The following TMPRSS11E variants were observed in gnomAD, a reference collection of about 807,000 sequenced individuals.
TMPRSS11E encodes transmembrane serine protease 11E.
A neutral mutation model predicts 48.1 loss-of-function variants in TMPRSS11E; 38 were observed. The observed-to-expected ratio is 0.79, with a 90% confidence interval of 0.61 to 1.04. The LOEUF is 1.04. Among genes scored for constraint, TMPRSS11E ranks in the 50% least tolerant of loss-of-function variants. The pLI is 0.00. For missense variants in TMPRSS11E, 530 were observed against 510.8 expected (o/e 1.04, Z -0.36); for synonymous variants, 158 against 171.9 (o/e 0.92, Z 0.63).
At chr4:68,471,353 C>T (rs1474073061) in intron 4 of TMPRSS11E, 107 bp from the exon 5 acceptor site, 9 of 635,552 alleles carry the variant, frequency 1.4e-5, no homozygotes, top group African/African-American at 1.9e-5. Flanking sequence ...TTCTTTCCTC[C>T]CTCCCTCCTT....
intron 1 of TMPRSS11E, among the ~76,000 whole-genome samples, chr4:68,460,026 A>T (rs1728745218): frequency 6.6e-6 from 1 of 152,154 alleles, no homozygotes; most frequent in Non-Finnish European, 1.5e-5. Flanking sequence ...TTGGAATTCT[A>T]CTCAAGGGAA....
chr4:68,470,772 A>G (rs1228007264), intron 4 of TMPRSS11E, among the ~76,000 whole-genome samples: 1 of 151,912 alleles, frequency 6.6e-6, no homozygotes, highest in Non-Finnish European at 1.5e-5. Context: ...TAATTCATAC[A>G]AATAGTATTA....
At chr4:68,471,787 T>C (rs1729078668) in intron 5 of TMPRSS11E, among the ~76,000 whole-genome samples, 164 bp downstream of exon 5, 1 of 151,892 alleles carries the variant, frequency 6.6e-6, no homozygotes, top group South Asian at 2.1e-4. Flanking sequence ...ATTTTAATTT[T>C]TAAGACTACC....
rs753812169 is a variant in TMPRSS11E at position 68,468,950 on chromosome 4, T to C, written c.326+4T>C. On this transcript the variant is annotated splice_donor_region_variant and intron_variant, in intron 4 of 9. Transcript: ENST00000305363. ...AGTCTCAGGTTATCAAGTTCAGGTA[T>C]GTAAATCTGAATTGCTGACTTCTGA... The C allele has an allele frequency of 1.1e-5, 18 of 1,606,912 alleles. No individual in the cohort carries two copies. Among genetic ancestry groups the C allele is most frequent in the South Asian group, 2.2e-5 (2 of 90,658 alleles).
chr4:68,486,489 G>A (rs1729557805), intron 9 of TMPRSS11E, among the ~76,000 whole-genome samples: 1 of 152,150 alleles, frequency 6.6e-6, no homozygotes, highest in African/African-American at 2.4e-5. Flanking sequence ...TTATTGCACT[G>A]TGGTCTGAGA....
At position 68,496,632 on chromosome 4, in the gene TMPRSS11E, T is replaced by C. The variant is rs1729873699; in HGVS notation, c.1111-11T>C. 6.2e-7 allele frequency: 1 copy of C among 1,601,582 alleles called. No individual in the cohort carries two copies. The highest frequency in any genetic ancestry group is 8.5e-7 in the Non-Finnish European group (1 of 1,175,622). ...GAATTATGAATTACTAATTTCTGTCTTCTCCTTTAGGGTGACTCTGGAGGA... is the reference window on the plus strand; with the variant it reads ...GAATTATGAATTACTAATTTCTGTCCTCTCCTTTAGGGTGACTCTGGAGGA... On this transcript the variant is annotated splice_polypyrimidine_tract_variant and intron_variant, in intron 9 of 9. Coordinates refer to ENST00000305363, the MANE Select transcript of TMPRSS11E (RefSeq NM_014058.4).
intron 9 of TMPRSS11E, among the ~76,000 whole-genome samples, chr4:68,491,010 C>T (rs1408109128): frequency 6.6e-6 from 1 of 152,002 alleles, no homozygotes; most frequent in African/African-American, 2.4e-5. Context: ...CCACCTGCTT[C>T]AGCCTTCCAA....
intron 1 of TMPRSS11E, among the ~76,000 whole-genome samples, chr4:68,454,024 T>C (rs1022207892): frequency 2.6e-5 from 4 of 151,914 alleles, no homozygotes; most frequent in Admixed American, 6.6e-5. Context: ...CTGACTCTTA[T>C]GGACAAGGGG....
At chr4:68,467,237 T>C (rs1728952549) in intron 3 of TMPRSS11E, among the ~76,000 whole-genome samples, 1 of 152,080 alleles carries the variant, frequency 6.6e-6, no homozygotes, top group African/African-American at 2.4e-5. Context: ...CTCTACCCAG[T>C]TTTTAAAAAT....
intron 9 of TMPRSS11E, among the ~76,000 whole-genome samples, chr4:68,495,327 C>A (rs1729836387): frequency 6.6e-6 from 1 of 151,796 alleles, no homozygotes; most frequent in Non-Finnish European, 1.5e-5. Flanking sequence ...TCATTTATTC[C>A]TGTCTCTTAT....
rs760372688 is a variant in TMPRSS11E at position 68,461,878 on chromosome 4, C to G, written c.69C>G (p.Leu23=). The change falls in exon 2 of 10, where the codon CTC becomes CTG. Residue 23 remains leucine (L), a synonymous_variant. Transcript: ENST00000305363. ...GTTGGGAACCCTGGGTTATCGGCCT[C>G]GTCATCTTCATATCCCTGATTGTCC... The part of the protein sequence containing the change: ...RVCWEPWVIG[L]VIFISLIVLA... 3.1e-6 allele frequency: 5 copies of G among 1,614,164 alleles called. No individual in the cohort carries two copies. In the Admixed American group the frequency reaches 5.0e-5, roughly 16 times the overall value.
At chr4:68,454,843 A>G (rs1280282025) in intron 1 of TMPRSS11E, among the ~76,000 whole-genome samples, 1 of 151,920 alleles carries the variant, frequency 6.6e-6, no homozygotes, top group Non-Finnish European at 1.5e-5. Context: ...TATAGTAGTT[A>G]TACATATTTT....
intron 1 of TMPRSS11E, among the ~76,000 whole-genome samples, chr4:68,454,015 T>C (rs1467314371): frequency 6.6e-6 from 1 of 151,954 alleles, no homozygotes; most frequent in African/African-American, 2.4e-5. Context: ...ATTCATATGC[T>C]GACTCTTATG....
chr4:68,488,523 C>A (rs1729625482), intron 9 of TMPRSS11E, among the ~76,000 whole-genome samples: 1 of 151,744 alleles, frequency 6.6e-6, no homozygotes, highest in Non-Finnish European at 1.5e-5. Flanking sequence ...CTTTTCTTTC[C>A]TTTTTTCTTT....
chr4:68,491,299 CAAAAAAAAAAAAAAAA>C (rs752361546), intron 9 of TMPRSS11E, among the ~76,000 whole-genome samples: 7 of 92,056 alleles, frequency 7.6e-5, no homozygotes, highest in African/African-American at 2.6e-4. Context: ...ATATATGAAG[CAAAAAAAAAAAAAAAA>C]AAAAAAAAAT....
intron 1 of TMPRSS11E, among the ~76,000 whole-genome samples, chr4:68,456,413 G>T (rs759278329): frequency 6.6e-6 from 1 of 151,850 alleles, no homozygotes; most frequent in Non-Finnish European, 1.5e-5. Flanking sequence ...ACAGAAATAT[G>T]TTATTTGTAA....
chr4:68,496,939 T>G lies in TMPRSS11E; in HGVS notation c.*135T>G. The G allele has an allele frequency of 2.2e-6, 2 of 895,880 alleles. No individual in the cohort carries two copies. Among genetic ancestry groups the G allele is most frequent in the Admixed American group, 2.5e-5 (1 of 40,608 alleles). 55.5% of individuals were successfully genotyped at this position (895,880 alleles called of 1,614,324 possible). ...TGATCTCAATAAACTGTTTGCTTGA[T>G]GCATGTATTTTCTTCCCAGCTCTGT... On this transcript the variant is annotated 3_prime_UTR_variant, in exon 10 of 10. Coordinates refer to ENST00000305363, the MANE Select transcript of TMPRSS11E (RefSeq NM_014058.4).
intron 9 of TMPRSS11E, among the ~76,000 whole-genome samples, chr4:68,479,616 T>A (rs140009857): frequency 0.27 from 41,157 of 149,758 alleles, 6,340 homozygotes; most frequent in Middle Eastern, 0.43. Flanking sequence ...CCCTCTTTAA[T>A]ATTAAACATT....
rs1257403133 is a variant in TMPRSS11E, at chr4:68,497,018, T to C, written c.*214T>C. On this transcript the variant is annotated 3_prime_UTR_variant, in exon 10 of 10. Transcript: ENST00000305363. The stretch of plus-strand genomic sequence containing the variant: ...GATCAACTCTGTCATCTGTGAGCAA[T>C]AGTTGAAACTTTATGTACATAGAGA... The C allele has an allele frequency of 1.0e-5, 5 of 496,692 alleles. No individual in the cohort carries two copies. The highest frequency in any genetic ancestry group is 6.9e-5 in the South Asian group (2 of 29,046). The allele number at this position is 496,692 out of a possible 1,614,324, so 30.8% of individuals were successfully genotyped here.
Sources: allele counts gnomAD v4.1 joint callset (sites outside exome capture counted in the v4.1 genomes callset), GRCh38; gene constraint gnomAD v4.1.1; transcripts MANE v1.5; gene names NCBI Gene and HGNC (gene_info 2026-07-23, HGNC 2026-07-21).